The following SLC35A1 variants were observed in gnomAD, a reference collection of about 807,000 sequenced individuals.
SLC35A1 encodes the protein solute carrier family 35 member A1.
In SLC35A1, 21 loss-of-function variants were observed where a neutral mutation model predicts 40.3. That is an observed-to-expected ratio of 0.52 (90% CI 0.37 to 0.75). The LOEUF is 0.75. Ranked by LOEUF, SLC35A1 falls within the 30% of genes least tolerant of loss-of-function variation. SLC35A1 has a pLI of 0.00. For synonymous variants in SLC35A1, 146 were observed against 147.3 expected (o/e 0.99, Z 0.06); for missense variants, 297 against 382.1 (o/e 0.78, Z 1.86).
intron 7 of SLC35A1, among the ~76,000 whole-genome samples, chr6:87,509,517 T>C (rs1215895749): frequency 6.6e-6 from 1 of 152,188 alleles, no homozygotes; most frequent in Non-Finnish European, 1.5e-5. Flanking sequence ...AGGAAATACA[T>C]ATAAAGACTT....
At chr6:87,478,964 G>A (rs1016017544) in intron 2 of SLC35A1, among the ~76,000 whole-genome samples, 1 of 152,136 alleles carries the variant, frequency 6.6e-6, no homozygotes, top group Non-Finnish European at 1.5e-5. Context: ...AGACTGCACA[G>A]GCTAAACTAA....
At position 87,477,528 on chromosome 6, in the gene SLC35A1, A is replaced by G. The variant is rs149099679; in HGVS notation, c.183A>G (p.Gly61=). 3.7e-6 allele frequency: 6 copies of G among 1,612,692 alleles called. No individual in the cohort carries two copies. In the African/African-American group the frequency reaches 8.0e-5, roughly 22 times the overall value. Residue 61 remains glycine (G), a synonymous_variant, in exon 2 of 8, where the codon GGA becomes GGG. Coordinates refer to ENST00000369552, the MANE Select transcript of SLC35A1 (RefSeq NM_006416.5). ...TTATAAAGTTATTGCTAAGTGTGGG[A>G]ATTTTAGCTAAGTGAGTATAAATAC... ...TEVIKLLLSV[G]ILAKETGSLG...
chr6:87,477,011 C>T (rs1020882478), intron 1 of SLC35A1, among the ~76,000 whole-genome samples: 5 of 151,972 alleles, frequency 3.3e-5, no homozygotes, highest in African/African-American at 1.2e-4. Context: ...AGAGTGAGAC[C>T]TTGTCTCCAA....
chr6:87,508,767 G>T (rs1770165217), intron 6 of SLC35A1, 171 bp downstream of exon 6: 12 of 759,690 alleles, frequency 1.6e-5, no homozygotes, highest in Non-Finnish European at 2.5e-5. Flanking sequence ...AGGCAAAATT[G>T]CTTTGGGATA....
intron 1 of SLC35A1, among the ~76,000 whole-genome samples, chr6:87,474,572 A>G (rs1036055544): frequency 1.8e-4 from 28 of 152,310 alleles, no homozygotes; most frequent in African/African-American, 6.7e-4. Context: ...GTGATTACAT[A>G]TGGACTTTTG....
At chr6:87,499,936 C>T (rs982357880) in intron 2 of SLC35A1, among the ~76,000 whole-genome samples, 3 of 152,060 alleles carry the variant, frequency 2.0e-5, no homozygotes, top group Non-Finnish European at 4.4e-5. Context: ...GCCAACAATA[C>T]TAAAAATACA....
intron 2 of SLC35A1, among the ~76,000 whole-genome samples, chr6:87,482,680 A>G (rs1040910410): frequency 6.6e-6 from 1 of 152,136 alleles, no homozygotes; most frequent in Non-Finnish European, 1.5e-5. Flanking sequence ...GTCTGGTCGG[A>G]CCTTTATATG....
Position 87,483,993 on chromosome 6 carries a change from G to T in SLC35A1, c.194+6454G>T, listed in dbSNP as rs181122916. On this transcript the variant is annotated intron_variant, in intron 2 of 7. Coordinates refer to ENST00000369552, the MANE Select transcript of SLC35A1 (RefSeq NM_006416.5). ...ACCATCCACACAACACCACAAGCAG[G>T]GTTGTCTGTGATCATTCACGCACAC... 3.1e-3 allele frequency among the ~76,000 whole-genome samples: 467 copies of T among 152,276 alleles called. 2 individuals carry two copies. Among genetic ancestry groups the T allele is most frequent in the African/African-American group, 0.01 (429 of 41,546 alleles).
intron 2 of SLC35A1, among the ~76,000 whole-genome samples, chr6:87,498,937 TG>T (rs1769830397): frequency 6.6e-6 from 1 of 152,240 alleles, no homozygotes; most frequent in Non-Finnish European, 1.5e-5. Context: ...GTGGTATTTT[TG>T]GTATTCTTCT....
Position 87,500,523 on chromosome 6 carries a change from G to A in SLC35A1, c.210G>A (p.Leu70=). Residue 70 remains leucine, a synonymous_variant, in exon 3 of 8, where the codon CTG becomes CTA. Coordinates refer to ENST00000369552, the MANE Select transcript of SLC35A1 (RefSeq NM_006416.5). Reference sequence around the variant, plus strand: ...GTTTTCAAAGAGAAACTGGTAGTCTGGGTAGATTCAAAGCATCTTTAAGAG... The same window carrying A: ...GTTTTCAAAGAGAAACTGGTAGTCTAGGTAGATTCAAAGCATCTTTAAGAG... ...VGILAKETGS[L]GRFKASLREN... 1 of 1,614,032 alleles carries A rather than the reference G, an allele frequency of 6.2e-7. No homozygotes were observed. Among genetic ancestry groups the A allele is most frequent in the Non-Finnish European group, 8.5e-7 (1 of 1,179,978 alleles).
At chr6:87,481,417 CAAAA>C (rs200106266) in intron 2 of SLC35A1, among the ~76,000 whole-genome samples, 2 of 116,800 alleles carry the variant, frequency 1.7e-5, no homozygotes. Flanking sequence ...AACTCTGACT[CAAAA>C]AAAAAAAAAA....
chr6:87,485,632 G>A (rs1421825990), intron 2 of SLC35A1, among the ~76,000 whole-genome samples: 1 of 151,980 alleles, frequency 6.6e-6, no homozygotes, highest in Non-Finnish European at 1.5e-5. Flanking sequence ...GTGTAGTGGT[G>A]TGTGGCTGTA....
intron 2 of SLC35A1, among the ~76,000 whole-genome samples, chr6:87,485,560 T>C (rs1003912466): frequency 1.3e-5 from 2 of 152,062 alleles, no homozygotes; most frequent in Non-Finnish European, 2.9e-5. Flanking sequence ...GCCCAGGAGT[T>C]GGAGACCAGC....
chr6:87,505,704 T>C (rs1670806848), intron 4 of SLC35A1, among the ~76,000 whole-genome samples: 1 of 152,192 alleles, frequency 6.6e-6, no homozygotes. Flanking sequence ...GCTGAACTCA[T>C]CCTTTTTATC....
chr6:87,498,871 G>A (rs1769827356), intron 2 of SLC35A1, among the ~76,000 whole-genome samples: 1 of 152,218 alleles, frequency 6.6e-6, no homozygotes, highest in Admixed American at 6.5e-5. Context: ...AGTTTAAAGA[G>A]CCAATCTTCA....
chr6:87,476,059 T>C (rs2268996), intron 1 of SLC35A1, among the ~76,000 whole-genome samples: 57,494 of 152,068 alleles, frequency 0.38, 10,934 homozygotes, highest in Admixed American at 0.46. Context: ...TAAGGAAGTA[T>C]GAGGGAGACT....
chr6:87,487,861 A>G (rs1260549694), intron 2 of SLC35A1, among the ~76,000 whole-genome samples: 1 of 152,220 alleles, frequency 6.6e-6, no homozygotes, highest in African/African-American at 2.4e-5. Flanking sequence ...CATGTCTGCC[A>G]ATGACTGCAA....
chr6:87,477,062 T>C (rs990978589), intron 1 of SLC35A1, among the ~76,000 whole-genome samples: 10 of 152,092 alleles, frequency 6.6e-5, no homozygotes, highest in Admixed American at 5.2e-4. Context: ...TAATGTAATT[T>C]ATAACATCCT....
intron 6 of SLC35A1, 76 bp downstream of exon 6, chr6:87,508,672 T>G (rs1479469171): frequency 1.7e-6 from 2 of 1,155,160 alleles, no homozygotes; most frequent in South Asian, 2.7e-5. Context: ...TTTAAGCTGT[T>G]ATAACATTTT....
Sources: allele counts gnomAD v4.1 joint callset (sites outside exome capture counted in the v4.1 genomes callset), GRCh38; gene constraint gnomAD v4.1.1; transcripts MANE v1.5; gene names NCBI Gene and HGNC (gene_info 2026-07-23, HGNC 2026-07-21).